The following KIF16B variants were observed in gnomAD, a reference collection of about 807,000 sequenced individuals.
KIF16B encodes the protein kinesin-like protein KIF16B.
KIF16B carries 98 observed loss-of-function variants against 156.3 expected under a neutral mutation model. The observed-to-expected ratio is 0.63, with a 90% CI of 0.53 to 0.74. The LOEUF (loss-of-function observed/expected upper bound fraction) is 0.74. Ranked by LOEUF, KIF16B falls within the 30% of genes least tolerant of loss-of-function variation. The pLI is 0.00. For missense variants in KIF16B, 1,421 were observed against 1,606.5 expected (o/e 0.88, Z 1.97); for synonymous variants, 564 against 583.7 (o/e 0.97, Z 0.49).
intron 12 of KIF16B, among the ~76,000 whole-genome samples, chr20:16,451,245 G>A (rs2067072735): frequency 6.6e-6 from 1 of 152,114 alleles, no homozygotes. Context: ...TTGGCCTTCT[G>A]ATGGGAGACA....
chr20:16,450,916 A>AT (rs1474297657), intron 12 of KIF16B, among the ~76,000 whole-genome samples: 2 of 152,170 alleles, frequency 1.3e-5, no homozygotes, highest in African/African-American at 4.8e-5. Context: ...ATAGTTTACT[A>AT]TTTTTCACCC....
intron 1 of KIF16B, among the ~76,000 whole-genome samples, chr20:16,551,651 C>T (rs1009953658): frequency 6.6e-6 from 1 of 152,206 alleles, no homozygotes; most frequent in African/African-American, 2.4e-5. Context: ...AAATCGAATA[C>T]ACTACCACAG....
chr20:16,343,051 G>C (rs968806692), intron 23 of KIF16B, among the ~76,000 whole-genome samples: 1 of 152,176 alleles, frequency 6.6e-6, no homozygotes, highest in Admixed American at 6.5e-5. Flanking sequence ...CAGAAGATCA[G>C]TACAACAAAT....
chr20:16,562,713 C>CA, intron 1 of KIF16B, among the ~76,000 whole-genome samples: 1 of 152,116 alleles, frequency 6.6e-6, no homozygotes. Flanking sequence ...AATAAGCAAA[C>CA]AAAAATATAT....
At chr20:16,386,870 A>T (rs2065242241) in intron 17 of KIF16B, among the ~76,000 whole-genome samples, 1 of 152,168 alleles carries the variant, frequency 6.6e-6, no homozygotes, top group South Asian at 2.1e-4. Flanking sequence ...CCTAGTCCTC[A>T]GTGGGTGAGA....
Position 16,381,873 on chromosome 20 carries a change from C to A in KIF16B, c.1785-126G>T. The stretch of plus-strand genomic sequence containing the variant: ...TTTCAAGTATTACTTTTAATTACCA[C>A]GGGTTAGCAAGTTTAAAATGCATTC... On this transcript the variant is annotated intron_variant, in intron 17 of 25. Transcript: ENST00000354981. The A allele has an allele frequency of 7.3e-6, 6 of 822,540 alleles. 1 individual carries two copies. The highest frequency in any genetic ancestry group is 1.1e-5 in the Non-Finnish European group (6 of 536,806). 51.0% of individuals were successfully genotyped at this position (822,540 alleles called of 1,614,324 possible). A position where few individuals can be genotyped will look rare whatever the true frequency, so the allele number is the denominator to read the frequency against.
chr20:16,337,398 TG>T (rs1480689587), intron 23 of KIF16B, among the ~76,000 whole-genome samples: 1 of 152,194 alleles, frequency 6.6e-6, no homozygotes, highest in Non-Finnish European at 1.5e-5. Flanking sequence ...TTCCCAAAAG[TG>T]GCAAATGAGA....
chr20:16,358,419 CT>C (rs373134290), intron 22 of KIF16B, among the ~76,000 whole-genome samples: 242 of 152,314 alleles, frequency 1.6e-3, no homozygotes, highest in African/African-American at 5.6e-3. Flanking sequence ...ATCTGCTTCC[CT>C]GACCTAGTCA....
At chr20:16,335,868 G>T in intron 24 of KIF16B, 58 bp downstream of exon 24, 1 of 1,013,088 alleles carries the variant, frequency 9.9e-7, no homozygotes. Flanking sequence ...AATGCAATCA[G>T]CTCATTTACT....
At chr20:16,468,293 C>G (rs577368997) in intron 12 of KIF16B, among the ~76,000 whole-genome samples, 4 of 152,022 alleles carry the variant, frequency 2.6e-5, no homozygotes, top group African/African-American at 9.7e-5. Context: ...AATTATAGGC[C>G]GGGCGCAGTG....
chr20:16,364,641 C>T (rs906414815), intron 22 of KIF16B, among the ~76,000 whole-genome samples: 11 of 152,142 alleles, frequency 7.2e-5, no homozygotes, highest in Non-Finnish European at 1.6e-4. Flanking sequence ...ACAGGCATCA[C>T]GACAACCTTA....
At position 16,499,965 on chromosome 20, in the gene KIF16B, C is replaced by T. The variant is rs921209323; in HGVS notation, c.1177-2287G>A. 3.9e-5 allele frequency among the ~76,000 whole-genome samples: 6 copies of T among 152,214 alleles called. No homozygotes were observed. In the East Asian group the frequency reaches 9.6e-4, roughly 24 times the overall value. On this transcript the variant is annotated intron_variant, in intron 10 of 25. Coordinates refer to ENST00000354981, the MANE Select transcript of KIF16B (RefSeq NM_024704.5). ...TCATACGTTGTTAAATCAAAAGTAA[C>T]ACTACCTCAAAAACACTATTACAAA... is the stretch of plus-strand genomic sequence containing the variant.
At chr20:16,363,168 A>C (rs1488264658) in intron 22 of KIF16B, among the ~76,000 whole-genome samples, 1 of 152,202 alleles carries the variant, frequency 6.6e-6, no homozygotes, top group African/African-American at 2.4e-5. Flanking sequence ...TACAAAATAC[A>C]CTTGTTTTAT....
chr20:16,375,512 T>A (rs1397459718), intron 19 of KIF16B, among the ~76,000 whole-genome samples: 4 of 152,128 alleles, frequency 2.6e-5, no homozygotes, highest in African/African-American at 9.7e-5. Flanking sequence ...TGTGCCCAGT[T>A]TAACTCAGCC....
chr20:16,439,533 G>T (rs1001785035), intron 12 of KIF16B, among the ~76,000 whole-genome samples: 1 of 152,048 alleles, frequency 6.6e-6, no homozygotes, highest in African/African-American at 2.4e-5. Context: ...TAGTCTGCCT[G>T]GAAAATTCTC....
intron 12 of KIF16B, among the ~76,000 whole-genome samples, chr20:16,493,616 C>A (rs145696260): frequency 6.6e-6 from 1 of 152,206 alleles, no homozygotes; most frequent in Admixed American, 6.5e-5. Context: ...ACCATCAAAG[C>A]ACAAAACTCA....
At chr20:16,470,463 T>C (rs886719900) in intron 12 of KIF16B, among the ~76,000 whole-genome samples, 5 of 152,048 alleles carry the variant, frequency 3.3e-5, no homozygotes, top group Non-Finnish European at 5.9e-5. Context: ...CTCTCCACAC[T>C]TAAAGTTCCA....
At chr20:16,424,014 T>A (rs1453582159) in intron 15 of KIF16B, among the ~76,000 whole-genome samples, 2 of 151,990 alleles carry the variant, frequency 1.3e-5, no homozygotes, top group Non-Finnish European at 2.9e-5. Context: ...AGAGACAGCC[T>A]CCCACCATGA....
rs772221745 is a variant in KIF16B, at chr20:16,374,388, C to G, written c.3219G>C (p.Gln1073His). 5 of 1,587,686 alleles carry G rather than the reference C, an allele frequency of 3.1e-6. No individual in the cohort carries two copies. In the East Asian group the frequency reaches 9.1e-5, roughly 29 times the overall value. Reference protein sequence around the residue: ...DQERLEYEIQQLKQKIYEVDG... With the variant: ...DQERLEYEIQHLKQKIYEVDG... ...CGACCTCATAAATCTTCTGTTTCAG[C>G]TGCTGGATTTCATATTCTAACCTAC... The change falls in exon 20 of 26, where the codon CAG (glutamine) becomes CAC (histidine). Residue 1073 changes from glutamine (Q) to histidine (H), a missense_variant. Coordinates refer to ENST00000354981, the MANE Select transcript of KIF16B (RefSeq NM_024704.5).
Sources: allele counts gnomAD v4.1 joint callset (sites outside exome capture counted in the v4.1 genomes callset), GRCh38; gene constraint gnomAD v4.1.1; transcripts MANE v1.5; gene names NCBI Gene and HGNC (gene_info 2026-07-23, HGNC 2026-07-21).